The following GRM8 variants were observed in gnomAD, a reference collection of about 807,000 sequenced individuals.
GRM8 encodes the protein metabotropic glutamate receptor 8.
A neutral mutation model predicts 87.2 loss-of-function variants in GRM8; 47 were observed. The observed-to-expected ratio is 0.54, with a 90% CI of 0.43 to 0.69. The LOEUF is 0.69. Among genes scored for constraint, GRM8 ranks in the 30% least tolerant of loss-of-function variants. The probability of loss-of-function intolerance (pLI) is 0.00; values close to 1 mark genes in which losing one functional copy is unlikely to be tolerated. For synonymous variants in GRM8, 396 were observed against 404.5 expected (o/e 0.98, Z 0.25); for missense variants, 1,019 against 1,139.2 (o/e 0.89, Z 1.52).
chr7:126,738,619 C>A (rs976719692), intron 7 of GRM8, among the ~76,000 whole-genome samples: 3 of 146,676 alleles, frequency 2.0e-5, no homozygotes, highest in African/African-American at 7.7e-5. Flanking sequence ...AGGTCTAGAT[C>A]TTTCTAGAGA....
intron 7 of GRM8, among the ~76,000 whole-genome samples, chr7:126,724,143 A>T (rs1437199030): frequency 2.0e-5 from 3 of 152,164 alleles, no homozygotes; most frequent in Non-Finnish European, 2.9e-5. Flanking sequence ...AAGCCGACTC[A>T]GCTACTACTG....
intron 6 of GRM8, among the ~76,000 whole-genome samples, chr7:126,847,562 T>C (rs529502935): frequency 6.6e-6 from 1 of 152,092 alleles, no homozygotes; most frequent in African/African-American, 2.4e-5. Context: ...AGTATTAGAG[T>C]TGGGGATCCC....
intron 3 of GRM8, among the ~76,000 whole-genome samples, chr7:126,953,823 TACA>T (rs1445591509): frequency 9.2e-5 from 14 of 152,152 alleles, no homozygotes; most frequent in Admixed American, 2.0e-4. Flanking sequence ...CAGTGGATTA[TACA>T]ACATTTTAAT....
intron 9 of GRM8, among the ~76,000 whole-genome samples, chr7:126,491,903 C>T (rs1808064395): frequency 6.6e-6 from 1 of 151,898 alleles, no homozygotes; most frequent in African/African-American, 2.4e-5. Flanking sequence ...GACCTGTTTC[C>T]TCATTTATTT....
intron 7 of GRM8, among the ~76,000 whole-genome samples, chr7:126,733,512 T>C (rs1042301028): frequency 6.0e-5 from 9 of 150,814 alleles, no homozygotes; most frequent in Admixed American, 3.3e-4. Flanking sequence ...TTTATAAATA[T>C]TAATGCAAAA....
chr7:126,456,437 T>A lies in GRM8; in HGVS notation c.2431-10065A>T, dbSNP rs186317268. 5.9e-4 allele frequency among the ~76,000 whole-genome samples: 84 copies of A among 142,778 alleles called. No homozygotes were observed. In the Middle Eastern group the frequency reaches 0.011, roughly 19 times the overall value. 93.7% of individuals were successfully genotyped at this position (142,778 alleles called of 152,430 possible). A position where few individuals can be genotyped will look rare whatever the true frequency, so the allele number is the denominator to read the frequency against. ...TTAAGGACCCACAATTCTAGGGTAC[T>A]ACAGAGAAGTAAACCGGGTATTTTA... On this transcript the variant is annotated intron_variant, in intron 9 of 10. Transcript: ENST00000339582.
intron 3 of GRM8, among the ~76,000 whole-genome samples, chr7:127,050,753 C>T (rs1329255911): frequency 1.3e-5 from 2 of 152,320 alleles, no homozygotes; most frequent in Non-Finnish European, 2.9e-5. Context: ...CTAATTGTAA[C>T]ATTTCCCTTT....
intron 8 of GRM8, among the ~76,000 whole-genome samples, chr7:126,541,354 C>G (rs190607544): frequency 6.6e-5 from 10 of 152,138 alleles, no homozygotes; most frequent in Admixed American, 5.2e-4. Context: ...ACTGGAGGAA[C>G]TAAAAGTATT....
At chr7:126,949,767 A>G (rs1219004968) in intron 3 of GRM8, among the ~76,000 whole-genome samples, 1 of 152,200 alleles carries the variant, frequency 6.6e-6, no homozygotes, top group African/African-American at 2.4e-5. Flanking sequence ...TACTTCTTGC[A>G]TAATGGAGCC....
intron 2 of GRM8, among the ~76,000 whole-genome samples, chr7:127,238,295 T>A (rs555363809): frequency 3.5e-5 from 5 of 144,626 alleles, no homozygotes; most frequent in Admixed American, 2.1e-4. Context: ...TGATATACGA[T>A]GTGTGTGTGC....
Position 126,587,477 on chromosome 7 carries a change from C to A in GRM8, c.1494+21885G>T, listed in dbSNP as rs186101602. 4.9e-4 allele frequency among the ~76,000 whole-genome samples: 74 copies of A among 152,254 alleles called. No individual in the cohort carries two copies. In the East Asian group the frequency reaches 0.013, roughly 26 times the overall value. ...ATTAAGAAAATGTGGCACATATACACCATGGAATACTATGCAGCCATAAAA... is the reference window on the plus strand; with the variant it reads ...ATTAAGAAAATGTGGCACATATACAACATGGAATACTATGCAGCCATAAAA... On this transcript the variant is annotated intron_variant, in intron 8 of 10. Transcript: ENST00000339582.
chr7:126,956,619 A>G (rs760282202), intron 3 of GRM8, among the ~76,000 whole-genome samples: 1 of 152,202 alleles, frequency 6.6e-6, no homozygotes, highest in Non-Finnish European at 1.5e-5. Context: ...ATATCTCCTA[A>G]TGCTATCCCT....
chr7:126,825,101 T>C (rs1794638317), intron 6 of GRM8, among the ~76,000 whole-genome samples: 1 of 152,116 alleles, frequency 6.6e-6, no homozygotes, highest in Non-Finnish European at 1.5e-5. Context: ...ACAGTCCCAT[T>C]CTGTTGCCCA....
chr7:127,239,539 T>C (rs1798167337), intron 2 of GRM8, among the ~76,000 whole-genome samples: 1 of 152,338 alleles, frequency 6.6e-6, no homozygotes, highest in East Asian at 1.9e-4. Context: ...TTTACTCAAG[T>C]CATAACCTTT....
chr7:127,010,810 G>T (rs1005438700), intron 3 of GRM8, among the ~76,000 whole-genome samples: 1 of 152,062 alleles, frequency 6.6e-6, no homozygotes, highest in Non-Finnish European at 1.5e-5. Flanking sequence ...AAACATTTAG[G>T]TATCCACTCA....
intron 7 of GRM8, among the ~76,000 whole-genome samples, chr7:126,666,826 C>T (rs1805826655): frequency 6.6e-6 from 1 of 152,154 alleles, no homozygotes; most frequent in South Asian, 2.1e-4. Flanking sequence ...GAGAAGGTAT[C>T]TATGCTCTTT....
At chr7:126,913,158 C>T (rs576256743) in intron 3 of GRM8, among the ~76,000 whole-genome samples, 9 of 152,148 alleles carry the variant, frequency 5.9e-5, no homozygotes, top group Admixed American at 2.6e-4. Flanking sequence ...TGAGGATTAA[C>T]TTATTGGGAT....
intron 6 of GRM8, among the ~76,000 whole-genome samples, chr7:126,774,319 A>G (rs1282675205): frequency 1.3e-5 from 2 of 152,168 alleles, no homozygotes; most frequent in East Asian, 1.9e-4. Flanking sequence ...GGAGTTTAGG[A>G]AGCTGACAGT....
At chr7:127,011,142 C>T (rs192454450) in intron 3 of GRM8, among the ~76,000 whole-genome samples, 2 of 152,146 alleles carry the variant, frequency 1.3e-5, no homozygotes, top group Admixed American at 1.3e-4. Flanking sequence ...CCATCAGATT[C>T]TATGAAACTC....
Sources: gnomAD v4.1 joint callset for allele counts (sites outside exome capture counted in the v4.1 genomes callset) on GRCh38, gnomAD v4.1.1 for gene constraint, MANE v1.5 for transcripts, NCBI Gene and HGNC (gene_info 2026-07-23, HGNC 2026-07-21) for gene names.